INPP5D: variants seen among roughly 807,000 people sequenced by gnomAD.
INPP5D encodes phosphatidylinositol 3,4,5-trisphosphate 5-phosphatase 1.
In INPP5D, 33 loss-of-function variants were observed where a neutral mutation model predicts 122.9. The ratio of observed to expected loss-of-function variants is 0.27; its 90% CI spans 0.20 to 0.36. The LOEUF (loss-of-function observed/expected upper bound fraction) is 0.36, where lower values mean the gene tolerates loss of function less well. INPP5D is among the 10% of genes least tolerant of loss of function. The pLI is 1.00. For synonymous variants in INPP5D, 584 were observed against 576.2 expected, an observed-to-expected ratio of 1.01 and a Z score of -0.19; for missense variants, 1,053 against 1,412.7, an observed-to-expected ratio of 0.75 and a Z score of 4.08.
At chr2:233,167,682 G>A (rs1694380378) in intron 13 of INPP5D, among the ~76,000 whole-genome samples, 1 of 152,166 alleles carries the variant, frequency 6.6e-6, no homozygotes, top group Admixed American at 6.5e-5. Flanking sequence ...GGTCCCTTCA[G>A]CCTATGGCCT....
chr2:233,134,840 T>C (rs1693423434), intron 5 of INPP5D, among the ~76,000 whole-genome samples: 1 of 152,248 alleles, frequency 6.6e-6, no homozygotes, highest in Non-Finnish European at 1.5e-5. Flanking sequence ...ATTACCATTA[T>C]AACTGTTTCA....
chr2:233,186,684 C>CTTTTTT (rs144243823), intron 21 of INPP5D, among the ~76,000 whole-genome samples: 1 of 44,550 alleles, frequency 2.2e-5, no homozygotes, highest in Non-Finnish European at 4.3e-5. Flanking sequence ...TTTTCTCTTT[C>CTTTTTT]TTTTTTTTTT....
intron 3 of INPP5D, among the ~76,000 whole-genome samples, chr2:233,123,126 G>C (rs572040293): frequency 6.6e-6 from 1 of 152,146 alleles, no homozygotes; most frequent in Admixed American, 6.5e-5. Context: ...AAAAGGGGGA[G>C]GGGGAAATAC....
chr2:233,118,697 G>A (rs975936823), intron 2 of INPP5D, among the ~76,000 whole-genome samples: 2 of 152,222 alleles, frequency 1.3e-5, no homozygotes, highest in Admixed American at 1.3e-4. Context: ...CTCAGGTGGG[G>A]TCTGTCCCTG....
At chr2:233,098,189 G>A (rs553020980) in intron 2 of INPP5D, among the ~76,000 whole-genome samples, 11 of 152,226 alleles carry the variant, frequency 7.2e-5, no homozygotes, top group African/African-American at 2.4e-4. Flanking sequence ...CACTGCACCC[G>A]GCCTTGGTTG....
chr2:233,143,936 AGATGGTGGTGGT>A (rs1236784172), intron 6 of INPP5D, among the ~76,000 whole-genome samples: 3 of 140,114 alleles, frequency 2.1e-5, no homozygotes, highest in Non-Finnish European at 4.6e-5. Context: ...GTGAGGGTGG[AGATGGTGGTGGT>A]GATGGTGATG....
At chr2:233,191,113 G>A (rs138965247) in intron 22 of INPP5D, among the ~76,000 whole-genome samples, 45 of 152,290 alleles carry the variant, frequency 3.0e-4, no homozygotes, top group Admixed American at 9.2e-4. Flanking sequence ...AAAGGAAAGA[G>A]GTGTAATTGA....
At chr2:233,063,218 G>A (rs1691123318) in intron 1 of INPP5D, among the ~76,000 whole-genome samples, 1 of 152,210 alleles carries the variant, frequency 6.6e-6, no homozygotes, top group Admixed American at 6.5e-5. Flanking sequence ...TGCTCTAGAA[G>A]TGACTGCAGA....
intron 9 of INPP5D, among the ~76,000 whole-genome samples, chr2:233,155,980 A>G (rs141917895): frequency 0.17 from 26,221 of 152,112 alleles, 4,148 homozygotes; most frequent in African/African-American, 0.42. Context: ...GACCCAGTGG[A>G]TGATCATATT....
chr2:233,136,707 A>G (rs1392707582), intron 5 of INPP5D, among the ~76,000 whole-genome samples: 1 of 152,210 alleles, frequency 6.6e-6, no homozygotes, highest in African/African-American at 2.4e-5. Flanking sequence ...ATAAAACAGA[A>G]TCTTTAAGAA....
intron 2 of INPP5D, among the ~76,000 whole-genome samples, chr2:233,114,138 G>A (rs955952168): frequency 1.3e-5 from 2 of 152,138 alleles, no homozygotes; most frequent in African/African-American, 4.8e-5. Context: ...TCGATCTCCT[G>A]ACCTTGTGAT....
In INPP5D at chr2:233,197,986, G is replaced by A; in HGVS notation, c.2694-109G>A. The stretch of plus-strand genomic sequence containing the variant: ...ACTGCCCAAGAGGTGAAGGAGTTGA[G>A]GAGAGCTCGAGAGAGCCCTAGGGTT... On this transcript the variant is annotated intron_variant, in intron 24 of 26. Transcript: ENST00000445964. The surrounding 1 kb of genome is among the most constrained non-coding windows in gnomAD (Gnocchi z 4.4). 7.1e-7 allele frequency: 1 copy of A among 1,399,950 alleles called. No individual in the cohort carries two copies. Among genetic ancestry groups the A allele is most frequent in the South Asian group, 1.6e-5 (1 of 61,936 alleles). The allele number at this position is 1,399,950 out of a possible 1,614,324, so 86.7% of individuals were successfully genotyped here. A position where few individuals can be genotyped will look rare whatever the true frequency, so the allele number is the denominator to read the frequency against.
chr2:233,084,405 T>A (rs1019932753), intron 2 of INPP5D, among the ~76,000 whole-genome samples: 19 of 152,284 alleles, frequency 1.2e-4, no homozygotes, highest in East Asian at 9.6e-4. Flanking sequence ...AAAATATCTA[T>A]CTCATAGACC....
intron 6 of INPP5D, among the ~76,000 whole-genome samples, chr2:233,141,795 C>T (rs926697010): frequency 1.3e-5 from 2 of 152,080 alleles, no homozygotes; most frequent in African/African-American, 2.4e-5. Context: ...CAAAGGGCCA[C>T]GCTGGTCACC....
rs1183861449 is a variant in INPP5D at position 233,170,119 on chromosome 2, C to T, written c.1746C>T (p.Leu582=). The part of the protein sequence containing the change: ...PFNITHRFTH[L]FWFGDLNYRV... Reference sequence around the variant, plus strand: ...ACATCACTCACCGCTTCACGCACCTCTTCTGGTTTGGGGATCTTAACTACC... The same window carrying T: ...ACATCACTCACCGCTTCACGCACCTTTTCTGGTTTGGGGATCTTAACTACC... Residue 582 remains leucine (L), a synonymous_variant, in exon 15 of 27, where the codon CTC becomes CTT. Transcript: ENST00000445964. The surrounding 1 kb of genome is among the most constrained non-coding windows in gnomAD (Gnocchi z 4.5). 1 of 1,614,068 alleles carries T rather than the reference C, an allele frequency of 6.2e-7. No homozygotes were observed. Among genetic ancestry groups the T allele is most frequent in the Non-Finnish European group, 8.5e-7 (1 of 1,179,908 alleles).
At chr2:233,081,498 C>T (rs1479831977) in intron 2 of INPP5D, among the ~76,000 whole-genome samples, 1 of 152,194 alleles carries the variant, frequency 6.6e-6, no homozygotes, top group Non-Finnish European at 1.5e-5. Flanking sequence ...AGAGTCGGCA[C>T]CCGCCGCCTG....
rs1447154663 is a variant in INPP5D at position 233,105,086 on chromosome 2, G to T, written c.199-17021G>T. Among the ~76,000 whole-genome samples the T allele has an allele frequency of 6.6e-6, 1 of 152,174 alleles. No homozygotes were observed. The highest frequency in any genetic ancestry group is 2.4e-5 in the African/African-American group (1 of 41,434). On this transcript the variant is annotated intron_variant, in intron 2 of 26. Transcript: ENST00000445964. The surrounding 1 kb of genome is among the most constrained non-coding windows in gnomAD (Gnocchi z 4.0). ...GGGATAGGGAATGTGGACCTCCCGG[G>T]TTTCTCCTGGATTTCCCCATAGGTG...
intron 2 of INPP5D, among the ~76,000 whole-genome samples, chr2:233,086,126 T>TTTCTTTCTTTCTTTCC (rs1691829201): frequency 5.4e-5 from 5 of 93,058 alleles, no homozygotes; most frequent in African/African-American, 9.5e-5. Context: ...AGCCTCTTTC[T>TTTCTTTCTTTCTTTCC]TTCTTTCTTT....
chr2:233,155,659 T>TAAATA (rs368097166), intron 9 of INPP5D, among the ~76,000 whole-genome samples: 44 of 4,062 alleles, frequency 0.011, no homozygotes, highest in East Asian at 0.026. Flanking sequence ...AATAAATAAA[T>TAAATA]AATAAATAAA....
Sources: allele counts gnomAD v4.1 joint callset (sites outside exome capture counted in the v4.1 genomes callset), GRCh38; gene constraint gnomAD v4.1.1; non-coding constraint Gnocchi (gnomAD v3.1); transcripts MANE v1.5; gene names NCBI Gene and HGNC (gene_info 2026-07-23, HGNC 2026-07-21).